PLCB4: variants seen among roughly 807,000 people sequenced by gnomAD.
The protein encoded by PLCB4 is phospholipase C beta 4, also known as 1-phosphatidylinositol 4,5-bisphosphate phosphodiesterase beta-4.
A neutral mutation model predicts 178.8 loss-of-function variants in PLCB4; 77 were observed. The observed-to-expected ratio is 0.43, with a 90% confidence interval of 0.36 to 0.52. The LOEUF (loss-of-function observed/expected upper bound fraction) is 0.52. Among genes scored for constraint, PLCB4 ranks in the 20% least tolerant of loss-of-function variants. The pLI, the probability that PLCB4 is intolerant of heterozygous loss-of-function variation, is 0.00. For missense variants in PLCB4, 1,024 were observed against 1,453.4 expected (o/e 0.70, Z 4.80); for synonymous variants, 496 against 490.8 (o/e 1.01, Z -0.14).
At chr20:9,218,316 A>G (rs892617117) in intron 3 of PLCB4, among the ~76,000 whole-genome samples, 3 of 152,166 alleles carry the variant, frequency 2.0e-5, no homozygotes, top group Non-Finnish European at 4.4e-5. Flanking sequence ...CATGTTAGTC[A>G]GGCTGGTCTC....
At chr20:9,437,273 T>G in intron 30 of PLCB4, 121 bp downstream of exon 30, 1 of 864,152 alleles carries the variant, frequency 1.2e-6, no homozygotes. Context: ...ACCTTTTACA[T>G]AGTGATGTTA....
chr20:9,136,189 GGTT>G (rs888881786), intron 2 of PLCB4, among the ~76,000 whole-genome samples: 2 of 152,076 alleles, frequency 1.3e-5, no homozygotes, highest in Non-Finnish European at 2.9e-5. Context: ...CAGAAGTGTG[GGTT>G]GTTAGTTATG....
intron 2 of PLCB4, among the ~76,000 whole-genome samples, chr20:9,104,547 A>G (rs1315987462): frequency 6.6e-6 from 1 of 152,056 alleles, no homozygotes; most frequent in Admixed American, 6.6e-5. Flanking sequence ...CTCAGATTCA[A>G]TTTCCTAGAA....
At chr20:9,125,598 T>G (rs1480562676) in intron 2 of PLCB4, among the ~76,000 whole-genome samples, 2 of 152,204 alleles carry the variant, frequency 1.3e-5, no homozygotes, top group Non-Finnish European at 1.5e-5. Context: ...CACACATGCA[T>G]ATATGAATAA....
At chr20:9,223,478 G>T (rs1205968768) in intron 3 of PLCB4, among the ~76,000 whole-genome samples, 1 of 152,242 alleles carries the variant, frequency 6.6e-6, no homozygotes, top group Admixed American at 6.5e-5. Context: ...TTTCTGGCTT[G>T]AGTTCTTTCA....
intron 29 of PLCB4, 51 bp from the exon 30 acceptor site, chr20:9,436,951 T>C (rs772071841): frequency 5.1e-6 from 8 of 1,559,686 alleles, no homozygotes; most frequent in Admixed American, 3.4e-5. Flanking sequence ...GTACAAGATA[T>C]TTGACCTTGA....
intron 4 of PLCB4, 23 bp from the exon 5 acceptor site, chr20:9,337,103 A>C (rs773072979): frequency 2.0e-6 from 3 of 1,519,838 alleles, no homozygotes; most frequent in Middle Eastern, 3.4e-4. Context: ...AGTCATGAAG[A>C]TCAACACATT....
intron 3 of PLCB4, among the ~76,000 whole-genome samples, chr20:9,306,533 G>C: frequency 6.6e-6 from 1 of 152,126 alleles, no homozygotes; most frequent in Non-Finnish European, 1.5e-5. Flanking sequence ...AGTATCTGTG[G>C]TTAATTATAT....
intron 2 of PLCB4, among the ~76,000 whole-genome samples, chr20:9,207,197 CAAAA>C (rs2093624714): frequency 6.6e-6 from 1 of 152,140 alleles, no homozygotes; most frequent in Non-Finnish European, 1.5e-5. Flanking sequence ...GTTTCTGTGA[CAAAA>C]TAAATATACA....
chr20:9,458,162 A>G (rs2043170784), intron 34 of PLCB4, among the ~76,000 whole-genome samples: 1 of 152,218 alleles, frequency 6.6e-6, no homozygotes, highest in Non-Finnish European at 1.5e-5. Context: ...TGGTTGAACC[A>G]GCCAGCCTCA....
intron 1 of PLCB4, among the ~76,000 whole-genome samples, chr20:9,083,626 A>G (rs939953793): frequency 5.9e-5 from 9 of 152,144 alleles, no homozygotes; most frequent in African/African-American, 2.2e-4. Flanking sequence ...GGTTAGGTAT[A>G]ATTACGACCA....
At chr20:9,368,111 T>C (rs1217381833) in intron 9 of PLCB4, among the ~76,000 whole-genome samples, 1 of 152,192 alleles carries the variant, frequency 6.6e-6, no homozygotes, top group Non-Finnish European at 1.5e-5. Flanking sequence ...ATTCTGAAGT[T>C]TCTAAAATGG....
Position 9,324,593 on chromosome 20 carries a change from T to A in PLCB4, c.85-12533T>A, listed in dbSNP as rs180793795. 3.9e-5 allele frequency among the ~76,000 whole-genome samples: 6 copies of A among 152,304 alleles called. No individual in the cohort carries two copies. In the East Asian group the frequency reaches 9.7e-4, roughly 25 times the overall value. On this transcript the variant is annotated intron_variant, in intron 4 of 39. Transcript: ENST00000378473. The stretch of plus-strand genomic sequence containing the variant: ...AGATGGAGAAGCCCTTCCCTCAGGG[T>A]AAGAGGTCCTCAGGATAAGCCTCCA...
intron 3 of PLCB4, among the ~76,000 whole-genome samples, chr20:9,266,249 CT>C (rs1226757254): frequency 2.6e-5 from 4 of 151,964 alleles, no homozygotes; most frequent in African/African-American, 7.2e-5. Context: ...TGAGAATCTG[CT>C]TTTTTTTGTT....
At chr20:9,168,166 A>G (rs2093003894) in intron 2 of PLCB4, among the ~76,000 whole-genome samples, 1 of 152,222 alleles carries the variant, frequency 6.6e-6, no homozygotes, top group African/African-American at 2.4e-5. Context: ...ATATTTCCAG[A>G]CACATTAAAG....
intron 25 of PLCB4, among the ~76,000 whole-genome samples, chr20:9,413,082 G>T (rs1359528469): frequency 6.6e-6 from 1 of 152,228 alleles, no homozygotes; most frequent in Non-Finnish European, 1.5e-5. Flanking sequence ...TTCAATGAGT[G>T]CTCTGTTCAG....
chr20:9,150,083 G>A (rs2092666298), intron 2 of PLCB4, among the ~76,000 whole-genome samples: 1 of 152,194 alleles, frequency 6.6e-6, no homozygotes, highest in Non-Finnish European at 1.5e-5. Context: ...ATAGTAGCAA[G>A]GAATCAATTC....
At chr20:9,120,899 G>A (rs2091944216) in intron 2 of PLCB4, among the ~76,000 whole-genome samples, 1 of 152,112 alleles carries the variant, frequency 6.6e-6, no homozygotes, top group Non-Finnish European at 1.5e-5. Flanking sequence ...GTTTCCACCT[G>A]CTCTTGAGGT....
chr20:9,275,854 A>G (rs1157006926), intron 3 of PLCB4, among the ~76,000 whole-genome samples: 2 of 152,066 alleles, frequency 1.3e-5, no homozygotes, highest in East Asian at 3.9e-4. Context: ...TTCTTTTTCC[A>G]CAGATGACAA....
Sources: gnomAD v4.1 joint callset for allele counts (sites outside exome capture counted in the v4.1 genomes callset) on GRCh38, gnomAD v4.1.1 for gene constraint, MANE v1.5 for transcripts, NCBI Gene and HGNC (gene_info 2026-07-23, HGNC 2026-07-21) for gene names.